Variants in WSB2 observed in about 807,000 individuals in gnomAD.
The protein encoded by WSB2 is WD repeat and SOCS box containing 2, also known as WD repeat and SOCS box-containing protein 2.
In WSB2, 12 loss-of-function variants were observed where a neutral mutation model predicts 48.8. That is an observed-to-expected ratio of 0.25 (90% CI 0.16 to 0.40). WSB2 has a LOEUF of 0.40. WSB2 is among the 10% of genes least tolerant of loss of function. The pLI, the probability that WSB2 is intolerant of heterozygous loss-of-function variation, is 1.00. For missense variants in WSB2, 317 were observed against 506.2 expected (o/e 0.63, Z 3.59); for synonymous variants, 191 against 203.1 (o/e 0.94, Z 0.51).
At chr12:118,061,572 A>G (rs1365918176), upstream of WSB2, among the ~76,000 whole-genome samples, 1 of 150,584 alleles carries the variant, frequency 6.6e-6, no homozygotes, top group South Asian at 2.1e-4. Flanking sequence ...AGCCGGGCTC[A>G]GGGGAAAAGG....
At chr12:118,058,730 CTT>C (rs1056178308) in intron 1 of WSB2, among the ~76,000 whole-genome samples, 2 of 145,468 alleles carry the variant, frequency 1.4e-5, no homozygotes, top group Admixed American at 1.4e-4. Context: ...GAGTTTCACT[CTT>C]GTTGCCCAGG....
At position 118,036,347 on chromosome 12, in the gene WSB2, C is replaced by T. The variant is rs774705379; in HGVS notation, c.824G>A (p.Arg275Lys). 18 of 1,613,964 alleles carry T rather than the reference C, an allele frequency of 1.1e-5. 1 individual carries two copies. In the South Asian group the frequency reaches 1.4e-4, roughly 13 times the overall value. ...MWDPYTGERL[R>K]SLHHTQVDPA... ...GGGATTCAGTCCTTACTGGAGTGAC[C>T]TCAGCCTTTCGCCGGTGTAGGGGTC... Residue 275 changes from arginine to lysine, a missense_variant, in exon 6 of 9, where the codon AGG becomes AAG. Around this residue, in one of 2 missense-constraint regions of WSB2, gnomAD observed 189 missense variants for 349.6 expected, o/e 0.54. Transcript: ENST00000315436.
Position 118,038,274 on chromosome 12 carries a change from C to G in WSB2, c.660+14G>C, listed in dbSNP as rs11068780. 3 of 1,608,806 alleles carry G rather than the reference C, an allele frequency of 1.9e-6. No homozygotes were observed. Among genetic ancestry groups the G allele is most frequent in the Non-Finnish European group, 1.7e-6 (2 of 1,177,646 alleles). ...ATGTCTCAGTGAATTAAAGCAATAA[C>G]GCTGGAGACTCACCGACTTCTCTCC... On this transcript the variant is annotated intron_variant, in intron 5 of 8. Coordinates refer to ENST00000315436, the MANE Select transcript of WSB2 (RefSeq NM_018639.5).
At chr12:118,057,776 G>A (rs942240979) in intron 1 of WSB2, among the ~76,000 whole-genome samples, 57 of 141,502 alleles carry the variant, frequency 4.0e-4, no homozygotes, top group African/African-American at 1.4e-3. Flanking sequence ...ATATATTTGG[G>A]TTTTTTTTTT....
In WSB2 at chr12:118,052,494, A is replaced by G. The variant is rs753276067; in HGVS notation, c.14-16T>C. Reference sequence around the variant, plus strand: ...AGCGGTTCCTCTGGGGCAGGAGACAACATGCTTCAAACACACACCCCCTTG... The same window carrying G: ...AGCGGTTCCTCTGGGGCAGGAGACAGCATGCTTCAAACACACACCCCCTTG... On this transcript the variant is annotated splice_polypyrimidine_tract_variant and intron_variant, in intron 1 of 8. Transcript: ENST00000315436. 3 of 1,613,448 alleles carry G rather than the reference A, an allele frequency of 1.9e-6. No individual in the cohort carries two copies. Among genetic ancestry groups the G allele is most frequent in the South Asian group, 1.1e-5 (1 of 91,046 alleles).
chr12:118,054,538 C>T (rs141090224), intron 1 of WSB2, among the ~76,000 whole-genome samples: 2,148 of 151,938 alleles, frequency 0.014, 50 homozygotes, highest in African/African-American at 0.05. Context: ...GGCTTGGTGG[C>T]GCATGCCTGT....
chr12:118,046,154 G>C (rs1566139655), intron 2 of WSB2, among the ~76,000 whole-genome samples: 2 of 152,120 alleles, frequency 1.3e-5, no homozygotes, highest in Non-Finnish European at 1.5e-5. Context: ...GGCCCACAAA[G>C]CCTAAACTAT....
intron 7 of WSB2, 58 bp downstream of exon 7, chr12:118,035,156 C>A: frequency 6.2e-7 from 1 of 1,612,106 alleles, no homozygotes; most frequent in Non-Finnish European, 8.5e-7. Context: ...GAGGGCCTTG[C>A]TGCCATTACT....
intron 2 of WSB2, among the ~76,000 whole-genome samples, chr12:118,045,534 C>T (rs2031728805): frequency 6.6e-6 from 1 of 151,814 alleles, no homozygotes; most frequent in Non-Finnish European, 1.5e-5. Context: ...CCCATCTCTA[C>T]TAAAAATACA....
At position 118,034,107 on chromosome 12, in the gene WSB2, C is replaced by A; in HGVS notation, c.*89G>T. On this transcript the variant is annotated 3_prime_UTR_variant, in exon 9 of 9. Coordinates refer to ENST00000315436, the MANE Select transcript of WSB2 (RefSeq NM_018639.5). ...ATCCCAAAGAAATGCTATTTCAATG[C>A]AAGACCAGATGTTTGGCCCATTATT... 6.5e-7 allele frequency: 1 copy of A among 1,531,188 alleles called. No individual in the cohort carries two copies. The allele number at this position is 1,531,188 out of a possible 1,614,324, so 94.9% of individuals were successfully genotyped here.
At chr12:118,057,802 TG>T (rs931842475) in intron 1 of WSB2, among the ~76,000 whole-genome samples, 12 of 150,332 alleles carry the variant, frequency 8.0e-5, no homozygotes, top group African/African-American at 2.9e-4. Context: ...AGACCCAGGC[TG>T]GGGTGCAGTG....
At chr12:118,034,909 T>C in intron 8 of WSB2, 77 bp downstream of exon 8, 2 of 1,389,628 alleles carry the variant, frequency 1.4e-6, no homozygotes, top group Admixed American at 2.1e-5. Flanking sequence ...AAATTCTAGA[T>C]GGTTTCTTTC....
In WSB2 at chr12:118,041,496, A is replaced by C. The variant is rs530591347; in HGVS notation, c.559+1345T>G. ...GATACAAGTTTTCAGGCTCATTGCT[A>C]AAAGAGCAGGAGAAAGGTCCCTCCC... On this transcript the variant is annotated intron_variant, in intron 4 of 8. Transcript: ENST00000315436. Among the ~76,000 whole-genome samples the C allele has an allele frequency of 8.5e-5, 13 of 152,274 alleles. 1 individual carries two copies. The South Asian group carries it at 2.5e-3, about 29-fold the overall frequency.
rs1280343535 is a variant in WSB2, at chr12:118,042,980, G to A, written c.428-8C>T. 1 of 1,613,972 alleles carries A rather than the reference G, an allele frequency of 6.2e-7. No individual in the cohort carries two copies. Among genetic ancestry groups the A allele is most frequent in the African/African-American group, 1.3e-5 (1 of 74,942 alleles). ...GATTCAAAAGCAGGAGCCCTGGCAT[G>A]GGAGCAGGGGCACTGAGTCAGCCAG... On this transcript the variant is annotated splice_region_variant and splice_polypyrimidine_tract_variant and intron_variant, in intron 3 of 8. Transcript: ENST00000315436.
chr12:118,037,968 T>C (rs1176537925), intron 5 of WSB2: 3 of 215,082 alleles, frequency 1.4e-5, no homozygotes, highest in Admixed American at 5.5e-5. Context: ...CAAAGGAAAT[T>C]TGGATTCACA....
At position 118,054,222 on chromosome 12, in the gene WSB2, A is replaced by AT. The variant is rs1566142680; in HGVS notation, c.14-1745_14-1744insA. On this transcript the variant is annotated intron_variant, in intron 1 of 8. Transcript: ENST00000315436. ...CCATGTCTCTACTAAAAATCCAAAA[A>AT]AAAAAAAAAAAAAAAAAAATTAGCC... Among the ~76,000 whole-genome samples, 285 of 147,136 alleles carry AT rather than the reference A, an allele frequency of 1.9e-3. 4 individuals carry two copies. Among genetic ancestry groups the AT allele is most frequent in the African/African-American group, 6.6e-3 (262 of 39,866 alleles).
intron 4 of WSB2, among the ~76,000 whole-genome samples, chr12:118,039,289 G>A (rs1379154816): frequency 1.3e-5 from 2 of 152,024 alleles, no homozygotes; most frequent in Non-Finnish European, 2.9e-5. Context: ...TCCAGCTCTT[G>A]CTTTAAAAAT....
intron 1 of WSB2, among the ~76,000 whole-genome samples, chr12:118,054,107 C>A (rs1397965933): frequency 6.7e-6 from 1 of 149,994 alleles, no homozygotes; most frequent in Non-Finnish European, 1.5e-5. Flanking sequence ...TGCAGTGGCT[C>A]ACATCTGTAA....
intron 2 of WSB2, among the ~76,000 whole-genome samples, chr12:118,051,889 G>T (rs1452818762): frequency 1.3e-5 from 2 of 152,140 alleles, no homozygotes; most frequent in African/African-American, 4.8e-5. Context: ...CAGGAGAATC[G>T]CTTGAACCCA....
Sources: gnomAD v4.1 joint callset for allele counts (sites outside exome capture counted in the v4.1 genomes callset) on GRCh38, gnomAD v4.1.1 for gene constraint, gnomAD v4.1.1 regional missense constraint, MANE v1.5 for transcripts, NCBI Gene and HGNC (gene_info 2026-07-23, HGNC 2026-07-21) for gene names.